The following SEC31A variants were observed in gnomAD, a reference collection of about 807,000 sequenced individuals.
SEC31A encodes the protein protein transport protein Sec31A.
Under a neutral mutation model 151.0 loss-of-function variants are expected in SEC31A, and 70 were observed. The ratio of observed to expected loss-of-function variants is 0.46; its 90% CI spans 0.38 to 0.57. The LOEUF (loss-of-function observed/expected upper bound fraction) is 0.57. Ranked by LOEUF, SEC31A falls within the 20% of genes least tolerant of loss-of-function variation. The probability of loss-of-function intolerance (pLI) is 0.00; values close to 1 mark genes in which losing one functional copy is unlikely to be tolerated. For missense variants in SEC31A, 1,330 were observed against 1,471.2 expected (o/e 0.90, Z 1.57); for synonymous variants, 475 against 505.9 (o/e 0.94, Z 0.82).
At chr4:82,892,111 A>G (rs1719831894), upstream of SEC31A, among the ~76,000 whole-genome samples, 2 of 152,390 alleles carry the variant, frequency 1.3e-5, no homozygotes, top group South Asian at 2.1e-4. Context: ...TTGCAGCTTC[A>G]TAAGACAGCT....
intron 8 of SEC31A, among the ~76,000 whole-genome samples, 170 bp downstream of exon 8, chr4:82,870,153 TGA>T (rs1372539093): frequency 1.3e-5 from 2 of 152,228 alleles, no homozygotes; most frequent in Non-Finnish European, 2.9e-5. Flanking sequence ...GTTAAAAAGC[TGA>T]GTTTAGATTA....
chr4:82,830,823 C>G, intron 22 of SEC31A: 1 of 278,956 alleles, frequency 3.6e-6, no homozygotes, highest in Non-Finnish European at 6.0e-6. Context: ...TGATCCTGAT[C>G]AGATTTGGGA....
At chr4:82,869,018 T>C (rs1736036990) in intron 8 of SEC31A, among the ~76,000 whole-genome samples, 1 of 152,198 alleles carries the variant, frequency 6.6e-6, no homozygotes, top group South Asian at 2.1e-4. Context: ...TTTAGCCTGC[T>C]CACGTCTTTG....
intron 1 of SEC31A, among the ~76,000 whole-genome samples, chr4:82,885,122 G>A (rs1740393351): frequency 6.6e-6 from 1 of 152,008 alleles, no homozygotes; most frequent in Non-Finnish European, 1.5e-5. Flanking sequence ...GCCTTTACAT[G>A]TATACTTTTG....
chr4:82,823,867 C>T (rs915028708), intron 25 of SEC31A, among the ~76,000 whole-genome samples: 2 of 152,146 alleles, frequency 1.3e-5, no homozygotes, highest in Non-Finnish European at 2.9e-5. Context: ...GTGCCAAATA[C>T]AGTTTTGTTG....
Position 82,875,753 on chromosome 4 carries a change from G to C in SEC31A, c.472C>G (p.Pro158Ala). The change falls in exon 5 of 27, where the codon CCA (proline) becomes GCA (alanine). Residue 158 changes from proline (P) to alanine (A), a missense_variant. Pro to Ala is a conservative substitution (Grantham distance 27). Coordinates refer to ENST00000395310, the MANE Select transcript of SEC31A (RefSeq NM_001077207.4). ...TGTGTTTTGGCTCCTGGTGTCATTG[G>C]GGTTGCAAAATTATTTAGATCCCAT... ...YIWDLNNFAT[P>A]MTPGAKTQPP... 6.2e-7 allele frequency: 1 copy of C among 1,604,810 alleles called. No homozygotes were observed. The highest frequency in any genetic ancestry group is 8.5e-7 in the Non-Finnish European group (1 of 1,174,060).
intron 14 of SEC31A, among the ~76,000 whole-genome samples, chr4:82,861,133 ACTCTT>A (rs754634043): frequency 1.3e-5 from 2 of 151,862 alleles, no homozygotes; most frequent in Non-Finnish European, 2.9e-5. Context: ...GTGTTCAAGG[ACTCTT>A]CTCAATTATT....
intron 20 of SEC31A, among the ~76,000 whole-genome samples, chr4:82,848,296 C>G (rs1730670590): frequency 1.6e-5 from 2 of 128,092 alleles, no homozygotes; most frequent in Non-Finnish European, 3.2e-5. Context: ...TCATTTTTCT[C>G]TAATATCTAA....
chr4:82,829,119 G>T, intron 22 of SEC31A, 61 bp from the exon 23 acceptor site: 1 of 1,366,640 alleles, frequency 7.3e-7, no homozygotes, highest in South Asian at 1.2e-5. Flanking sequence ...AAATAAAACT[G>T]AATCGATCAC....
At chr4:82,850,786 T>A (rs1271019730) in intron 19 of SEC31A, among the ~76,000 whole-genome samples, 2 of 152,326 alleles carry the variant, frequency 1.3e-5, no homozygotes, top group Admixed American at 1.3e-4. Flanking sequence ...TGTTTACTTG[T>A]CCATAGCCAA....
intron 22 of SEC31A, among the ~76,000 whole-genome samples, chr4:82,834,154 G>A (rs995527414): frequency 3.3e-5 from 5 of 152,200 alleles, no homozygotes; most frequent in African/African-American, 1.2e-4. Context: ...TGCCCGGTGA[G>A]TCACTGTGTG....
At chr4:82,828,930 G>T in intron 23 of SEC31A, 70 bp downstream of exon 23, 1 of 1,194,066 alleles carries the variant, frequency 8.4e-7, no homozygotes, top group Non-Finnish European at 1.3e-6. Flanking sequence ...GTGAAGTATA[G>T]TGTGTTCCAA....
chr4:82,831,771 T>A (rs4461514), intron 22 of SEC31A, among the ~76,000 whole-genome samples: 1 of 151,938 alleles, frequency 6.6e-6, no homozygotes, highest in Admixed American at 6.6e-5. Context: ...TGGTCTTTTC[T>A]GTAAGAATAT....
intron 22 of SEC31A, among the ~76,000 whole-genome samples, chr4:82,837,360 T>C (rs1727643576): frequency 6.6e-6 from 1 of 151,838 alleles, no homozygotes; most frequent in Non-Finnish European, 1.5e-5. Context: ...ACTTTGAGTC[T>C]TTTAAAAACT....
intron 3 of SEC31A, among the ~76,000 whole-genome samples, chr4:82,899,236 GT>G (rs1395779112): frequency 6.6e-6 from 1 of 152,144 alleles, no homozygotes; most frequent in African/African-American, 2.4e-5. Flanking sequence ...TAAGAATGAG[GT>G]TTCTTTCTGG....
At chr4:82,871,758 G>T in intron 7 of SEC31A, 186 bp downstream of exon 7, 1 of 647,514 alleles carries the variant, frequency 1.5e-6, no homozygotes, top group Non-Finnish European at 2.5e-6. Flanking sequence ...AGAATCGTTT[G>T]AACCTGGGAG....
At chr4:82,893,514 C>A (rs1719932613), upstream of SEC31A, 1 of 152,190 alleles carries the variant, frequency 6.6e-6, no homozygotes, top group Non-Finnish European at 1.5e-5. Context: ...TATGCTTACA[C>A]CTCAGTAAAA....
Position 82,867,265 on chromosome 4 carries a change from A to T in SEC31A, c.934T>A (p.Cys312Ser), listed in dbSNP as rs759812539. The change falls in exon 9 of 27, where the codon TGT becomes AGT. Residue 312 changes from cysteine (C) to serine (S), a missense_variant. Cys to Ser is a moderately radical substitution (Grantham distance 112). Coordinates refer to ENST00000395310, the MANE Select transcript of SEC31A (RefSeq NM_001077207.4). Reference protein sequence around the residue: ...NTQWCFDIQWCPRNPAVLSAA... With the variant: ...NTQWCFDIQWSPRNPAVLSAA... Reference sequence around the variant, plus strand: ...GATAAGACAGCAGGATTTCGGGGACACCACTGAATATCGAAGCACCACTGT... The same window carrying T: ...GATAAGACAGCAGGATTTCGGGGACTCCACTGAATATCGAAGCACCACTGT... 2 of 1,614,208 alleles carry T rather than the reference A, an allele frequency of 1.2e-6. No individual in the cohort carries two copies. Among genetic ancestry groups the T allele is most frequent in the Non-Finnish European group, 1.7e-6 (2 of 1,180,026 alleles).
intron 26 of SEC31A, among the ~76,000 whole-genome samples, chr4:82,819,822 T>C (rs1722916089): frequency 6.6e-6 from 1 of 151,912 alleles, no homozygotes. Context: ...AGTACAGTGG[T>C]GCGATCTCGA....
Sources: allele counts gnomAD v4.1 joint callset (sites outside exome capture counted in the v4.1 genomes callset), GRCh38; gene constraint gnomAD v4.1.1; transcripts MANE v1.5; gene names NCBI Gene and HGNC (gene_info 2026-07-23, HGNC 2026-07-21).